Variants in SRGAP2C observed in about 807,000 individuals in gnomAD.
SRGAP2C encodes the protein SLIT-ROBO Rho GTPase-activating protein 2C.
A neutral mutation model predicts 25.1 loss-of-function variants in SRGAP2C; 15 were observed. The ratio of observed to expected loss-of-function variants is 0.60; its 90% CI spans 0.40 to 0.92. The LOEUF (loss-of-function observed/expected upper bound fraction) is 0.92. Among genes scored for constraint, SRGAP2C ranks in the 40% least tolerant of loss-of-function variants. The pLI, the probability that SRGAP2C is intolerant of heterozygous loss-of-function variation, is 0.00. For synonymous variants in SRGAP2C, 44 were observed against 96.6 expected, an observed-to-expected ratio of 0.46 and a Z score of 3.19; for missense variants, 144 against 264.4, an observed-to-expected ratio of 0.54 and a Z score of 3.16.
At chr1:121,322,862 C>T (rs1553341279) in intron 3 of SRGAP2C, among the ~76,000 whole-genome samples, 6,792 of 151,002 alleles carry the variant, frequency 0.045, 530 homozygotes, top group African/African-American at 0.16. Flanking sequence ...CAGTACTGAC[C>T]CAATAACCAA....
Sources: gnomAD v4.1 joint callset for allele counts (sites outside exome capture counted in the v4.1 genomes callset) on GRCh38, gnomAD v4.1.1 for gene constraint, MANE v1.5 for transcripts, NCBI Gene and HGNC (gene_info 2026-07-23, HGNC 2026-07-21) for gene names.